The following PARM1 variants were observed in gnomAD, a reference collection of about 807,000 sequenced individuals.
PARM1 encodes WSC4, cell wall integrity and stress response component 4 homolog.
In PARM1, 14 loss-of-function variants were observed where a neutral mutation model predicts 24.6. The observed-to-expected ratio is 0.57, with a 90% confidence interval of 0.38 to 0.89. The LOEUF (loss-of-function observed/expected upper bound fraction) is 0.89. PARM1 is among the 40% of genes least tolerant of loss of function. PARM1 has a pLI of 0.00. For synonymous variants in PARM1, 179 were observed against 156.6 expected, an observed-to-expected ratio of 1.14 and a Z score of -1.07; for missense variants, 362 against 380.4, an observed-to-expected ratio of 0.95 and a Z score of 0.40.
intron 1 of PARM1, among the ~76,000 whole-genome samples, chr4:74,976,306 C>T (rs1169782176): frequency 6.6e-6 from 1 of 152,182 alleles, no homozygotes; most frequent in East Asian, 1.9e-4. Flanking sequence ...GGGAGGAATT[C>T]CCACAGTGCA....
chr4:75,006,794 C>T (rs989156616), intron 1 of PARM1, among the ~76,000 whole-genome samples: 1 of 152,092 alleles, frequency 6.6e-6, no homozygotes, highest in African/African-American at 2.4e-5. Context: ...TAGGCAATAC[C>T]ATTCAGGACA....
At chr4:74,944,172 A>G (rs1721364983) in intron 1 of PARM1, among the ~76,000 whole-genome samples, 1 of 152,216 alleles carries the variant, frequency 6.6e-6, no homozygotes, top group African/African-American at 2.4e-5. Flanking sequence ...ACACTGGCTT[A>G]TTCAAAATAA....
intron 1 of PARM1, among the ~76,000 whole-genome samples, chr4:74,959,728 A>G (rs1319960615): frequency 2.6e-5 from 4 of 152,254 alleles, no homozygotes; most frequent in Non-Finnish European, 5.9e-5. Flanking sequence ...AACTTGTATC[A>G]ACAAGAATAT....
Position 75,048,074 on chromosome 4 carries a change from G to GTTT in PARM1, c.*1828_*1830dup, listed in dbSNP as rs1246871513. 5 of 152,190 alleles carry GTTT rather than the reference G, an allele frequency of 3.3e-5. No individual in the cohort carries two copies. The highest frequency in any genetic ancestry group is 1.2e-4 in the African/African-American group (5 of 41,430). The allele number at this position is 152,190 out of a possible 1,614,324, so 9.4% of individuals were successfully genotyped here. On this transcript the variant is annotated 3_prime_UTR_variant, in exon 4 of 4. Transcript: ENST00000307428. Reference sequence around the variant, plus strand: ...AAAGTTGGACCTTGCTGCCATGACTGTTTAGTTTACAGAAACTTGACCCCG... The same window carrying GTTT: ...AAAGTTGGACCTTGCTGCCATGACTGTTTTTTAGTTTACAGAAACTTGACCCCG...
chr4:75,035,346 G>T (rs1200681194), intron 3 of PARM1, among the ~76,000 whole-genome samples: 1 of 152,158 alleles, frequency 6.6e-6, no homozygotes, highest in Admixed American at 6.5e-5. Flanking sequence ...CACTGCTAGG[G>T]ACCAAGACGG....
intron 3 of PARM1, among the ~76,000 whole-genome samples, chr4:75,036,380 A>G (rs1247432380): frequency 6.6e-6 from 1 of 152,216 alleles, no homozygotes; most frequent in African/African-American, 2.4e-5. Flanking sequence ...CTCAGTTCAA[A>G]TCCTGGCTCT....
At chr4:74,949,642 A>C (rs886644379) in intron 1 of PARM1, among the ~76,000 whole-genome samples, 3 of 152,178 alleles carry the variant, frequency 2.0e-5, no homozygotes, top group African/African-American at 7.2e-5. Flanking sequence ...TTAATATTGC[A>C]GTTCACTGTT....
intron 2 of PARM1, among the ~76,000 whole-genome samples, chr4:75,019,830 C>T (rs1323276490): frequency 1.3e-5 from 2 of 150,298 alleles, no homozygotes; most frequent in South Asian, 4.2e-4. Flanking sequence ...GGTGAAACCC[C>T]GTCTCTACTA....
intron 1 of PARM1, among the ~76,000 whole-genome samples, chr4:74,944,367 T>C (rs1307015857): frequency 6.6e-6 from 1 of 152,246 alleles, no homozygotes; most frequent in African/African-American, 2.4e-5. Flanking sequence ...GCTTGTTCCA[T>C]GATGTCCATT....
intron 2 of PARM1, among the ~76,000 whole-genome samples, chr4:75,033,288 T>G (rs1290226490): frequency 6.6e-6 from 1 of 152,198 alleles, no homozygotes; most frequent in African/African-American, 2.4e-5. Context: ...CTGAACATAT[T>G]TCCCACAGAG....
intron 1 of PARM1, among the ~76,000 whole-genome samples, chr4:74,980,900 G>T (rs539142456): frequency 1.3e-5 from 2 of 152,264 alleles, no homozygotes; most frequent in Admixed American, 1.3e-4. Context: ...AAATGGTGCT[G>T]GGAAAACTAG....
intron 3 of PARM1, among the ~76,000 whole-genome samples, chr4:75,036,155 C>T (rs1220524295): frequency 6.6e-6 from 1 of 152,162 alleles, no homozygotes; most frequent in African/African-American, 2.4e-5. Flanking sequence ...TAAGAGGCTA[C>T]ATTATCAAAA....
chr4:74,970,059 G>T (rs1221732962), intron 1 of PARM1: 1 of 152,200 alleles, frequency 6.6e-6, no homozygotes, highest in African/African-American at 2.4e-5. Flanking sequence ...CGGGGCAGGG[G>T]GCGGTCAGTA....
intron 1 of PARM1, among the ~76,000 whole-genome samples, chr4:74,958,482 T>G (rs79255031): frequency 0.014 from 2,097 of 152,148 alleles, 50 homozygotes; most frequent in African/African-American, 0.048. Flanking sequence ...AAAGGATAAA[T>G]AGGAACTTGC....
chr4:74,938,328 G>A lies in PARM1; in HGVS notation c.43+4958G>A, dbSNP rs151199484. 6.1e-3 allele frequency among the ~76,000 whole-genome samples: 922 copies of A among 152,284 alleles called. 14 individuals carry two copies. Among genetic ancestry groups the A allele is most frequent in the African/African-American group, 0.021 (868 of 41,552 alleles). On this transcript the variant is annotated intron_variant, in intron 1 of 3. Transcript: ENST00000307428. ...AAGTGTTTTCAAAATGAATTTGACT[G>A]TCTTAAATCTAAATGAAGGAATCCT...
intron 1 of PARM1, among the ~76,000 whole-genome samples, chr4:75,006,122 G>T (rs1291604775): frequency 6.6e-6 from 1 of 152,146 alleles, no homozygotes; most frequent in South Asian, 2.1e-4. Flanking sequence ...TGGGTGGGAA[G>T]GTGTATGGAG....
intron 1 of PARM1, among the ~76,000 whole-genome samples, chr4:74,997,089 T>C (rs1177109175): frequency 6.6e-6 from 1 of 152,226 alleles, no homozygotes; most frequent in East Asian, 1.9e-4. Flanking sequence ...CAGGCTGACA[T>C]GCTTGTGCTT....
chr4:75,014,429 G>C (rs931362770), intron 2 of PARM1, among the ~76,000 whole-genome samples: 2 of 152,074 alleles, frequency 1.3e-5, no homozygotes, highest in East Asian at 3.9e-4. Context: ...AACCACAGGG[G>C]GTCACAATAA....
intron 2 of PARM1, among the ~76,000 whole-genome samples, chr4:75,014,600 T>C (rs1263698504): frequency 2.6e-5 from 4 of 152,180 alleles, no homozygotes; most frequent in Non-Finnish European, 5.9e-5. Context: ...AGGGAATGAC[T>C]ACTCTGCCCT....
Sources: allele counts gnomAD v4.1 joint callset (sites outside exome capture counted in the v4.1 genomes callset), GRCh38; gene constraint gnomAD v4.1.1; transcripts MANE v1.5; gene names NCBI Gene and HGNC (gene_info 2026-07-23, HGNC 2026-07-21).